ABLIM1: variants seen among roughly 807,000 people sequenced by gnomAD.
The protein encoded by ABLIM1 is actin binding LIM protein 1.
A neutral mutation model predicts 107.0 loss-of-function variants in ABLIM1; 40 were observed. The ratio of observed to expected loss-of-function variants is 0.37; its 90% CI spans 0.29 to 0.49. The LOEUF (loss-of-function observed/expected upper bound fraction) is 0.49. Among genes scored for constraint, ABLIM1 ranks in the 20% least tolerant of loss-of-function variants. The pLI is 0.97. For synonymous variants in ABLIM1, 357 were observed against 357.3 expected (o/e 1.00, Z 0.01); for missense variants, 857 against 1,008.5 (o/e 0.85, Z 2.04).
chr10:114,716,842 T>TAA (rs34567416), intron 1 of ABLIM1, among the ~76,000 whole-genome samples: 33 of 134,548 alleles, frequency 2.5e-4, no homozygotes, highest in Admixed American at 1.2e-3. Flanking sequence ...CTGGAACTGT[T>TAA]AAAAAAAAAA....
At chr10:114,585,266 T>C (rs1384743562) in intron 2 of ABLIM1, among the ~76,000 whole-genome samples, 1 of 152,184 alleles carries the variant, frequency 6.6e-6, no homozygotes, top group Non-Finnish European at 1.5e-5. Flanking sequence ...TTCCCTTTTT[T>C]AGTCTCCAGA....
At chr10:114,540,257 C>T (rs1248972009) in intron 6 of ABLIM1, among the ~76,000 whole-genome samples, 1 of 152,168 alleles carries the variant, frequency 6.6e-6, no homozygotes, top group African/African-American at 2.4e-5. Context: ...AACTCAGATC[C>T]TTAGAGCCGA....
At position 114,447,873 on chromosome 10, in the gene ABLIM1, T is replaced by C. The variant is rs2061259948; in HGVS notation, c.1735+7A>G. 1 of 1,614,132 alleles carries C rather than the reference T, an allele frequency of 6.2e-7. No individual in the cohort carries two copies. The highest frequency in any genetic ancestry group is 8.5e-7 in the Non-Finnish European group (1 of 1,180,000). On this transcript the variant is annotated splice_region_variant and intron_variant, in intron 15 of 22. Coordinates refer to ENST00000533213, the MANE Select transcript of ABLIM1 (RefSeq NM_002313.7). ...GTCCCTTTGACTTAGCCGTGACAGT[T>C]GCATACCTACGACAGCAAATGAGGG...
intron 16 of ABLIM1, among the ~76,000 whole-genome samples, chr10:114,445,079 C>T (rs1215005416): frequency 6.6e-6 from 1 of 152,200 alleles, no homozygotes; most frequent in Non-Finnish European, 1.5e-5. Flanking sequence ...CCTTCCACAC[C>T]CCTCTGACCT....
chr10:114,735,312 G>A (rs572380260), intron 1 of ABLIM1, among the ~76,000 whole-genome samples: 21 of 152,316 alleles, frequency 1.4e-4, no homozygotes, highest in African/African-American at 4.1e-4. Context: ...TAGCACAATC[G>A]AGTACAGATA....
At chr10:114,544,974 G>T (rs1428346973) in intron 6 of ABLIM1, 31 bp downstream of exon 6, 1 of 1,600,082 alleles carries the variant, frequency 6.2e-7, no homozygotes, top group East Asian at 2.2e-5. Context: ...AAAGATGGCG[G>T]TAGCTATGAG....
Position 114,444,095 on chromosome 10 carries a change from T to A in ABLIM1, c.1867A>T (p.Met623Leu). Residue 623 changes from methionine to leucine, a missense_variant, in exon 17 of 23, where the codon ATG becomes TTG. Physicochemically the swap from Met to Leu is conservative, Grantham distance 15 (BLOSUM62 2). Coordinates refer to ENST00000533213, the MANE Select transcript of ABLIM1 (RefSeq NM_002313.7). Reference sequence around the variant, plus strand: ...GACCTTTCCCGGCTCTCTTTCTCCATCTCTTCTTTCAAGATCAACTGTCCC... The same window carrying A: ...GACCTTTCCCGGCTCTCTTTCTCCAACTCTTCTTTCAAGATCAACTGTCCC... ...GLGQLILKEE[M>L]EKESRERSSL... The A allele has an allele frequency of 6.2e-7, 1 of 1,610,752 alleles. No homozygotes were observed. Among genetic ancestry groups the A allele is most frequent in the Non-Finnish European group, 8.5e-7 (1 of 1,179,348 alleles).
At chr10:114,463,948 GAGA>G (rs763537784) in intron 12 of ABLIM1, among the ~76,000 whole-genome samples, 37 of 152,294 alleles carry the variant, frequency 2.4e-4, no homozygotes, top group Non-Finnish European at 4.6e-4. Context: ...TGTGAAAGGA[GAGA>G]AGGAGAAGAT....
intron 6 of ABLIM1, among the ~76,000 whole-genome samples, chr10:114,526,064 C>A (rs1310772080): frequency 2.0e-5 from 3 of 152,110 alleles, no homozygotes; most frequent in Non-Finnish European, 2.9e-5. Context: ...GAAAGAGAGG[C>A]AATTGTCAAG....
chr10:114,512,899 GGAAGGAAGGAAAGAAAGAGA>G (rs1295531310), intron 6 of ABLIM1, among the ~76,000 whole-genome samples: 51 of 145,520 alleles, frequency 3.5e-4, no homozygotes, highest in Non-Finnish European at 6.8e-4. Flanking sequence ...AAGGAAGGAA[GGAAGGAAGGAAAGAAAGAGA>G]GAAAGAAAGA....
At chr10:114,546,529 A>G (rs2067368858) in intron 5 of ABLIM1, among the ~76,000 whole-genome samples, 1 of 152,080 alleles carries the variant, frequency 6.6e-6, no homozygotes, top group African/African-American at 2.4e-5. Context: ...TCTCAACCTC[A>G]GGTGATCCGA....
At chr10:114,693,816 T>TTTAAAAAA in intron 1 of ABLIM1, among the ~76,000 whole-genome samples, 1 of 136,646 alleles carries the variant, frequency 7.3e-6, no homozygotes, top group East Asian at 2.1e-4. Context: ...CCTGGCTGAT[T>TTTAAAAAA]TTAAAAAAAC....
chr10:114,474,996 G>GC (rs2056076291), intron 8 of ABLIM1, among the ~76,000 whole-genome samples: 1 of 152,154 alleles, frequency 6.6e-6, no homozygotes, highest in African/African-American at 2.4e-5. Flanking sequence ...GGCCTCCCCA[G>GC]CCATGTGGAA....
chr10:114,612,400 G>C (rs938940088), intron 1 of ABLIM1, among the ~76,000 whole-genome samples: 8 of 152,134 alleles, frequency 5.3e-5, no homozygotes, highest in African/African-American at 1.9e-4. Flanking sequence ...CCCAGCCTCA[G>C]GAACCATAAG....
intron 1 of ABLIM1, among the ~76,000 whole-genome samples, chr10:114,753,567 C>A (rs1257271298): frequency 6.6e-6 from 1 of 152,080 alleles, no homozygotes; most frequent in Non-Finnish European, 1.5e-5. Flanking sequence ...AAGATCTCAA[C>A]ATATATGTGA....
At chr10:114,600,148 C>T (rs1189542973) in intron 2 of ABLIM1, among the ~76,000 whole-genome samples, 2 of 152,130 alleles carry the variant, frequency 1.3e-5, no homozygotes, top group Admixed American at 6.5e-5. Context: ...AGACAAGTAA[C>T]TTGTCCACAA....
intron 4 of ABLIM1, among the ~76,000 whole-genome samples, chr10:114,562,175 C>A (rs576792039): frequency 6.6e-6 from 1 of 152,322 alleles, no homozygotes; most frequent in Non-Finnish European, 1.5e-5. Context: ...AGTGTAGCTG[C>A]TCTCCAGTGT....
At chr10:114,739,568 A>AT (rs199902742) in intron 1 of ABLIM1, among the ~76,000 whole-genome samples, 9 of 151,834 alleles carry the variant, frequency 5.9e-5, no homozygotes, top group South Asian at 2.1e-4. Flanking sequence ...TTGAGGCTGG[A>AT]TTTTTTTTTA....
intron 6 of ABLIM1, among the ~76,000 whole-genome samples, chr10:114,538,374 C>T (rs1401462708): frequency 6.6e-6 from 1 of 152,156 alleles, no homozygotes; most frequent in African/African-American, 2.4e-5. Context: ...CCACCCTTTC[C>T]AAGTTAACAG....
Sources: gnomAD v4.1 joint callset for allele counts (sites outside exome capture counted in the v4.1 genomes callset) on GRCh38, gnomAD v4.1.1 for gene constraint, MANE v1.5 for transcripts, NCBI Gene and HGNC (gene_info 2026-07-23, HGNC 2026-07-21) for gene names.